ERCC8: variants seen among roughly 807,000 people sequenced by gnomAD.
ERCC8 encodes the protein ERCC excision repair 8, CSA ubiquitin ligase complex subunit.
In ERCC8, 52 loss-of-function variants were observed where a neutral mutation model predicts 54.9. That is an observed-to-expected ratio of 0.95 (90% CI 0.76 to 1.19). The LOEUF (loss-of-function observed/expected upper bound fraction) is 1.19. Among genes scored for constraint, ERCC8 ranks in the 50% most tolerant of loss-of-function variants. The probability of loss-of-function intolerance (pLI) is 0.00; values close to 1 mark genes in which losing one functional copy is unlikely to be tolerated. For missense variants in ERCC8, 514 were observed against 466.1 expected (o/e 1.10, Z -0.95); for synonymous variants, 146 against 157.2 (o/e 0.93, Z 0.53).
chr5:60,880,405 T>G (rs1037211706), intron 11 of ERCC8, among the ~76,000 whole-genome samples: 3 of 152,218 alleles, frequency 2.0e-5, no homozygotes, highest in African/African-American at 7.2e-5. Flanking sequence ...AATTTGAATG[T>G]TGGCCTGACT....
At chr5:60,891,841 T>A in intron 9 of ERCC8, 2 of 381,210 alleles carry the variant, frequency 5.2e-6, no homozygotes, top group South Asian at 2.2e-5. Flanking sequence ...AATATGCAGA[T>A]GCTTCAGGGA....
At chr5:60,876,846 T>A (rs1748026086) in intron 11 of ERCC8, among the ~76,000 whole-genome samples, 1 of 152,206 alleles carries the variant, frequency 6.6e-6, no homozygotes, top group African/African-American at 2.4e-5. Flanking sequence ...TTCACTCTGA[T>A]GGTAGTTTCT....
chr5:60,944,726 A>AAC (rs1750379648), intron 1 of ERCC8, among the ~76,000 whole-genome samples: 2 of 34,118 alleles, frequency 5.9e-5, no homozygotes, highest in African/African-American at 2.3e-4. Context: ...ACCCCCGGGG[A>AAC]ACCCCCCCCA....
intron 2 of ERCC8, among the ~76,000 whole-genome samples, chr5:60,926,189 T>C (rs555197217): frequency 2.3e-4 from 35 of 152,160 alleles, no homozygotes; most frequent in Admixed American, 5.2e-4. Flanking sequence ...AGTATTTTGA[T>C]TGAAAGATTT....
chr5:60,905,015 C>T, intron 4 of ERCC8, 142 bp from the exon 5 acceptor site: 1 of 465,088 alleles, frequency 2.2e-6, no homozygotes, highest in Non-Finnish European at 4.0e-6. Flanking sequence ...AATGTAATAC[C>T]CCAAAAAACC....
chr5:60,923,999 T>G (rs1300751654), intron 2 of ERCC8, among the ~76,000 whole-genome samples: 3 of 152,158 alleles, frequency 2.0e-5, no homozygotes, highest in Non-Finnish European at 4.4e-5. Context: ...GCTTTGCTTT[T>G]TAAAAAAATT....
chr5:60,900,834 C>T (rs1748884106), intron 7 of ERCC8: 2 of 151,996 alleles, frequency 1.3e-5, no homozygotes, highest in South Asian at 4.1e-4. Context: ...CTTAGCTCTC[C>T]TCTTATCTGA....
intron 11 of ERCC8, among the ~76,000 whole-genome samples, chr5:60,883,237 T>C (rs1456020179): frequency 6.6e-6 from 1 of 152,240 alleles, no homozygotes. Flanking sequence ...GATATATGAA[T>C]GCATTACAGT....
chr5:60,898,066 A>T (rs920260246), intron 9 of ERCC8, among the ~76,000 whole-genome samples: 1 of 152,170 alleles, frequency 6.6e-6, no homozygotes, highest in African/African-American at 2.4e-5. Flanking sequence ...TAGAACAGTG[A>T]TTCTCTGCTA....
At chr5:60,909,436 G>A (rs1561506632) in intron 4 of ERCC8, among the ~76,000 whole-genome samples, 1 of 151,906 alleles carries the variant, frequency 6.6e-6, no homozygotes, top group Non-Finnish European at 1.5e-5. Context: ...TATACCAAGT[G>A]TGGCTGCCTC....
intron 1 of ERCC8, among the ~76,000 whole-genome samples, chr5:60,930,449 T>C (rs998956445): frequency 3.3e-5 from 5 of 152,004 alleles, no homozygotes; most frequent in African/African-American, 1.2e-4. Context: ...CCCAGCTACT[T>C]GGGAGGCTGA....
rs1351984189 is a variant in ERCC8 at position 60,920,320 on chromosome 5, G to T, written c.275+1734C>A. On this transcript the variant is annotated intron_variant, in intron 3 of 11. Coordinates refer to ENST00000676185, the MANE Select transcript of ERCC8 (RefSeq NM_000082.4). ...TCCTAAGAATATTGACTTCTACAGA[G>T]ATTTTTCCAGTGATACTACTTTTAA... Among the ~76,000 whole-genome samples, 2 of 151,934 alleles carry T rather than the reference G, an allele frequency of 1.3e-5. 1 individual carries two copies. Among genetic ancestry groups the T allele is most frequent in the East Asian group, 3.8e-4 (2 of 5,198 alleles).
chr5:60,869,090 A>T lies in ERCC8; in HGVS notation c.*5525T>A, dbSNP rs965009808. On this transcript the variant is annotated 3_prime_UTR_variant, in exon 12 of 12. Transcript: ENST00000676185. ...CCTGAACATGGAAAACATTAAATTA[A>T]AAAAATGGAAATTTACCAAAGTATT... is the stretch of plus-strand genomic sequence containing the variant. 2.0e-5 allele frequency among the ~76,000 whole-genome samples: 3 copies of T among 152,182 alleles called. No individual in the cohort carries two copies. Among genetic ancestry groups the T allele is most frequent in the Non-Finnish European group, 4.4e-5 (3 of 68,020 alleles).
intron 2 of ERCC8, among the ~76,000 whole-genome samples, chr5:60,927,087 A>C (rs1359094335): frequency 6.6e-6 from 1 of 152,242 alleles, no homozygotes; most frequent in Non-Finnish European, 1.5e-5. Flanking sequence ...AAAGGTATAA[A>C]AGAAAATTCA....
At chr5:60,923,730 T>C (rs1308017840) in intron 2 of ERCC8, among the ~76,000 whole-genome samples, 3 of 152,148 alleles carry the variant, frequency 2.0e-5, no homozygotes, top group Non-Finnish European at 2.9e-5. Flanking sequence ...TTAAATATTA[T>C]AAAATCTTAG....
Position 60,892,770 on chromosome 5 carries a change from C to G in ERCC8, c.844-1684G>C, listed in dbSNP as rs970471061. 6 of 690,710 alleles carry G rather than the reference C, an allele frequency of 8.7e-6. No individual in the cohort carries two copies. In the Admixed American group the frequency reaches 1.3e-4, roughly 15 times the overall value. The allele number at this position is 690,710 out of a possible 1,614,324, so 42.8% of individuals were successfully genotyped here. A position where few individuals can be genotyped will look rare whatever the true frequency, so the allele number is the denominator to read the frequency against. ...AACAATGGCTGGAGCATCCAGCAGC[C>G]GGATGAACTTGTCCAGGTAGACCTC... is the stretch of plus-strand genomic sequence containing the variant. On this transcript the variant is annotated intron_variant, in intron 9 of 11. Coordinates refer to ENST00000676185, the MANE Select transcript of ERCC8 (RefSeq NM_000082.4).
Position 60,904,598 on chromosome 5 carries a change from T to C in ERCC8, c.481+194A>G, listed in dbSNP as rs1580006560. Among the ~76,000 whole-genome samples the C allele has an allele frequency of 2.3e-5, 3 of 131,222 alleles. No homozygotes were observed. In the South Asian group the frequency reaches 7.6e-4, roughly 33 times the overall value. 86.1% of individuals were successfully genotyped at this position (131,222 alleles called of 152,430 possible). The stretch of plus-strand genomic sequence containing the variant: ...CAAAATATCTGTTGAATATAAATAG[T>C]ACAATATCTGTTGAATATATATAGT... On this transcript the variant is annotated intron_variant, in intron 5 of 11. Transcript: ENST00000676185.
rs1315803530 is a variant in ERCC8, at chr5:60,938,069, ATATATATATATATATATTT to A, written c.77+6844_77+6862del. On this transcript the variant is annotated intron_variant, in intron 1 of 11. Transcript: ENST00000676185. ...CATACATATATATATATATATATAT[ATATATATATATATATATTT>A]TATTTTTTTTTTTTTTAGGTTACGA... Among the ~76,000 whole-genome samples the A allele has an allele frequency of 4.3e-3, 79 of 18,384 alleles. 2 individuals carry two copies. The East Asian group carries it at 0.058, about 14-fold the overall frequency. 12.1% of individuals were successfully genotyped at this position (18,384 alleles called of 152,430 possible).
At position 60,898,360 on chromosome 5, in the gene ERCC8, A is replaced by G. The variant is rs368273837; in HGVS notation, c.759T>C (p.Phe253=). The change falls in exon 9 of 12, where the codon TTT becomes TTC. Residue 253 remains phenylalanine, a synonymous_variant. Transcript: ENST00000676185. ...TGAGGAGGTGAAGTCCATCACTTGT[A>G]AAACATAAGCCATTAACTTTCCCAT... ...AHNGKVNGLC[F]TSDGLHLLTV... is the part of the protein sequence containing the mutation. 13 of 1,613,524 alleles carry G rather than the reference A, an allele frequency of 8.1e-6. No individual in the cohort carries two copies. The African/African-American group carries it at 1.6e-4, about 20-fold the overall frequency.
Sources: gnomAD v4.1 joint callset for allele counts (sites outside exome capture counted in the v4.1 genomes callset) on GRCh38, gnomAD v4.1.1 for gene constraint, MANE v1.5 for transcripts, NCBI Gene and HGNC (gene_info 2026-07-23, HGNC 2026-07-21) for gene names.